The following AGBL4 variants were observed in gnomAD, a reference collection of about 807,000 sequenced individuals.
The protein encoded by AGBL4 is AGBL carboxypeptidase 4.
A neutral mutation model predicts 66.4 loss-of-function variants in AGBL4; 58 were observed. That is an observed-to-expected ratio of 0.87 (90% confidence interval 0.71 to 1.09). The LOEUF (loss-of-function observed/expected upper bound fraction) is 1.09. Ranked by LOEUF, AGBL4 falls within the 50% of genes least tolerant of loss-of-function variation. The pLI is 0.00. For missense variants in AGBL4, 579 were observed against 631.0 expected (o/e 0.92, Z 0.88); for synonymous variants, 234 against 222.9 (o/e 1.05, Z -0.44).
chr1:48,832,546 T>C (rs1646578333), intron 6 of AGBL4, among the ~76,000 whole-genome samples: 1 of 152,164 alleles, frequency 6.6e-6, no homozygotes, highest in African/African-American at 2.4e-5. Flanking sequence ...GCTCAGAGCC[T>C]GGCACAAAGA....
intron 4 of AGBL4, among the ~76,000 whole-genome samples, chr1:49,165,166 G>T (rs1646611599): frequency 6.6e-6 from 1 of 152,090 alleles, no homozygotes; most frequent in South Asian, 2.1e-4. Context: ...ATACTTAAAG[G>T]ATATAGACAA....
At chr1:48,882,863 T>C (rs1649926821) in intron 5 of AGBL4, among the ~76,000 whole-genome samples, 1 of 152,212 alleles carries the variant, frequency 6.6e-6, no homozygotes, top group Non-Finnish European at 1.5e-5. Context: ...TGAGATCATA[T>C]AGTACTTGTA....
intron 1 of AGBL4, among the ~76,000 whole-genome samples, chr1:49,960,548 G>C (rs1382391156): frequency 6.6e-6 from 1 of 151,998 alleles, no homozygotes; most frequent in Admixed American, 6.6e-5. Context: ...GTTTAAAATA[G>C]CTAGAAGGAA....
intron 6 of AGBL4, among the ~76,000 whole-genome samples, chr1:48,749,353 C>T (rs1270877859): frequency 1.3e-5 from 2 of 152,168 alleles, no homozygotes; most frequent in Non-Finnish European, 2.9e-5. Flanking sequence ...GCACCCAGCG[C>T]AATGTCCTCC....
At chr1:48,624,889 G>GGT (rs56678913) in intron 9 of AGBL4, among the ~76,000 whole-genome samples, 6,762 of 147,744 alleles carry the variant, frequency 0.046, 211 homozygotes, top group East Asian at 0.11. Context: ...GTTAATTCCA[G>GGT]GTGTGTGTGT....
At chr1:49,781,295 G>A (rs539950606) in intron 2 of AGBL4, among the ~76,000 whole-genome samples, 1 of 152,234 alleles carries the variant, frequency 6.6e-6, no homozygotes, top group East Asian at 1.9e-4. Context: ...TCAGGAGGCT[G>A]AGGCGGAAGG....
chr1:49,390,013 C>T (rs1259291684), intron 3 of AGBL4, among the ~76,000 whole-genome samples: 1 of 152,114 alleles, frequency 6.6e-6, no homozygotes, highest in Admixed American at 6.5e-5. Context: ...GTCCCTTGGA[C>T]TCTGTTTCTA....
intron 6 of AGBL4, among the ~76,000 whole-genome samples, chr1:48,858,656 C>T (rs1934386): frequency 0.89 from 135,329 of 152,130 alleles, 60,785 homozygotes; most frequent in Non-Finnish European, 0.96. Context: ...GTTATAACAG[C>T]GGTTGCCAGG....
At position 49,036,685 on chromosome 1, in the gene AGBL4, G is replaced by A. The variant is rs969123846; in HGVS notation, c.594+8899C>T. On this transcript the variant is annotated intron_variant, in intron 5 of 13. Coordinates refer to ENST00000371839, the MANE Select transcript of AGBL4 (RefSeq NM_032785.4). ...GCTCAAGCAATCTCTCTGCCTCAGA[G>A]AAGCTGGGTCTACAGGCACACACCA... Among the ~76,000 whole-genome samples the A allele has an allele frequency of 6.6e-5, 10 of 151,304 alleles. No homozygotes were observed. The East Asian group carries it at 1.4e-3, about 21-fold the overall frequency.
intron 2 of AGBL4, among the ~76,000 whole-genome samples, chr1:49,795,609 T>G (rs1014177448): frequency 2.0e-5 from 3 of 151,724 alleles, no homozygotes; most frequent in Admixed American, 1.3e-4. Flanking sequence ...AAGGGCAAAA[T>G]GTTATAAACC....
At chr1:49,407,866 G>C (rs1570644621) in intron 3 of AGBL4, among the ~76,000 whole-genome samples, 1 of 152,132 alleles carries the variant, frequency 6.6e-6, no homozygotes, top group East Asian at 1.9e-4. Flanking sequence ...GAAAATATCT[G>C]TATGATGTGT....
intron 4 of AGBL4, among the ~76,000 whole-genome samples, chr1:49,081,697 C>T (rs1644811605): frequency 3.3e-5 from 5 of 152,196 alleles, no homozygotes; most frequent in Admixed American, 3.3e-4. Context: ...AAGGCACTCA[C>T]CAAGCCAAAG....
intron 2 of AGBL4, among the ~76,000 whole-genome samples, chr1:49,849,921 T>A (rs890975833): frequency 2.0e-5 from 3 of 152,210 alleles, no homozygotes; most frequent in Non-Finnish European, 4.4e-5. Flanking sequence ...AGGGTCCTTA[T>A]GTCTTTAACA....
chr1:49,418,023 T>A (rs948223525), intron 3 of AGBL4, among the ~76,000 whole-genome samples: 1 of 152,182 alleles, frequency 6.6e-6, no homozygotes, highest in East Asian at 1.9e-4. Context: ...TATGCACACA[T>A]TGAAGGCAAC....
At chr1:48,802,451 G>A (rs978196075) in intron 6 of AGBL4, among the ~76,000 whole-genome samples, 3 of 151,840 alleles carry the variant, frequency 2.0e-5, no homozygotes, top group African/African-American at 7.3e-5. Flanking sequence ...GGGCTTCTGG[G>A]GACAGAAATT....
chr1:48,640,869 C>T (rs1645743482), intron 8 of AGBL4, among the ~76,000 whole-genome samples: 1 of 152,164 alleles, frequency 6.6e-6, no homozygotes, highest in Non-Finnish European at 1.5e-5. Flanking sequence ...TCATGAAGGA[C>T]ATCATGCCTT....
chr1:49,842,456 T>A (rs750571904), intron 2 of AGBL4: 7 of 911,438 alleles, frequency 7.7e-6, no homozygotes, highest in Non-Finnish European at 9.5e-6. Flanking sequence ...TCTGTCTGCA[T>A]GTGCTCTCTA....
At chr1:48,935,793 A>G (rs1033631370) in intron 5 of AGBL4, among the ~76,000 whole-genome samples, 1 of 150,708 alleles carries the variant, frequency 6.6e-6, no homozygotes, top group African/African-American at 2.4e-5. Context: ...CGCCATCTCT[A>G]CTAAAAATAC....
intron 11 of AGBL4, among the ~76,000 whole-genome samples, chr1:48,574,537 CTTT>C (rs780333770): frequency 1.6e-5 from 2 of 124,040 alleles, no homozygotes; most frequent in African/African-American, 2.9e-5. Context: ...CTTTTCTTTT[CTTT>C]TTTTTTTTTT....
Sources: gnomAD v4.1 joint callset for allele counts (sites outside exome capture counted in the v4.1 genomes callset) on GRCh38, gnomAD v4.1.1 for gene constraint, MANE v1.5 for transcripts, NCBI Gene and HGNC (gene_info 2026-07-23, HGNC 2026-07-21) for gene names.